The following CDC42EP5 variants were observed in gnomAD, a reference collection of about 807,000 sequenced individuals.
CDC42EP5 encodes the protein CDC42 effector protein 5.
For synonymous variants in CDC42EP5, 118 were observed against 123.3 expected (o/e 0.96, Z 0.28); for missense variants, 269 against 238.0 (o/e 1.13, Z -0.86).
At position 54,465,567 on chromosome 19, in the gene CDC42EP5, G is replaced by A. The variant is rs372621515; in HGVS notation, c.1-20C>T. 3.1e-5 allele frequency: 46 copies of A among 1,480,466 alleles called. No individual in the cohort carries two copies. In the African/African-American group the frequency reaches 6.6e-4, roughly 21 times the overall value. 91.7% of individuals were successfully genotyped at this position (1,480,466 alleles called of 1,614,324 possible). A position where few individuals can be genotyped will look rare whatever the true frequency, so the allele number is the denominator to read the frequency against. On this transcript the variant is annotated intron_variant, in intron 2 of 2. Transcript: ENST00000301200. Reference sequence around the variant, plus strand: ...GGGCATCTGCGAGGGGCACGGGAGGGTCAGCGCGGCCCCAGCCCGGGGCTC... The same window carrying A: ...GGGCATCTGCGAGGGGCACGGGAGGATCAGCGCGGCCCCAGCCCGGGGCTC...
intron 2 of CDC42EP5, among the ~76,000 whole-genome samples, chr19:54,467,249 G>A (rs2084767523): frequency 6.7e-6 from 1 of 149,158 alleles, no homozygotes; most frequent in Non-Finnish European, 1.5e-5. Context: ...AGGACTTTGA[G>A]ACCAGCCTGA....
At chr19:54,471,774 G>T in intron 1 of CDC42EP5, 89 bp from the exon 2 acceptor site, 1 of 158,776 alleles carries the variant, frequency 6.3e-6, no homozygotes, top group Non-Finnish European at 1.4e-5. Context: ...TTCGCCCTCA[G>T]GTCCTAGGCG....
intron 2 of CDC42EP5, among the ~76,000 whole-genome samples, chr19:54,470,987 A>T (rs780603632): frequency 1.7e-4 from 26 of 152,086 alleles, no homozygotes; most frequent in Non-Finnish European, 3.7e-4. Flanking sequence ...TAGCTCTGAG[A>T]CCCTGGGTAA....
chr19:54,471,770 C>A, intron 1 of CDC42EP5, 85 bp from the exon 2 acceptor site: 2 of 158,542 alleles, frequency 1.3e-5, no homozygotes, highest in Non-Finnish European at 2.8e-5. Context: ...CTCCTTCGCC[C>A]TCAGGTCCTA....
chr19:54,465,773 T>C (rs2123285495), intron 2 of CDC42EP5, among the ~76,000 whole-genome samples: 1 of 152,268 alleles, frequency 6.6e-6, no homozygotes, highest in Admixed American at 6.5e-5. Context: ...GTAGCTGGGA[T>C]TACAGGCACC....
chr19:54,465,337 G>C lies in CDC42EP5; in HGVS notation c.211C>G (p.Pro71Ala). Residue 71 changes from proline (P) to alanine (A), a missense_variant, in exon 3 of 3, where the codon CCG becomes GCG. Physicochemically the swap from Pro to Ala is conservative, Grantham distance 27. Coordinates refer to ENST00000301200, the MANE Select transcript of CDC42EP5 (RefSeq NM_145057.4). Reference sequence around the variant, plus strand: ...GACTGCGGGACGGCGGGCGGCGGCGGGGAGCGCGGGGCCCCCGCGGGGGGC... The same window carrying C: ...GACTGCGGGACGGCGGGCGGCGGCGCGGAGCGCGGGGCCCCCGCGGGGGGC... ...RAPPAGAPRSPPPPAVPQSAA... is the reference protein window; with the variant it reads ...RAPPAGAPRSAPPPAVPQSAA... 3 of 1,172,318 alleles carry C rather than the reference G, an allele frequency of 2.6e-6. No homozygotes were observed. Among genetic ancestry groups the C allele is most frequent in the Non-Finnish European group, 3.2e-6 (3 of 949,890 alleles). 72.6% of individuals were successfully genotyped at this position (1,172,318 alleles called of 1,614,324 possible).
chr19:54,471,795 T>C, intron 1 of CDC42EP5, 110 bp from the exon 2 acceptor site: 1 of 163,882 alleles, frequency 6.1e-6, no homozygotes, highest in South Asian at 1.7e-4. Flanking sequence ...TCCTAGATCT[T>C]CGCTTTCTTA....
chr19:54,468,987 C>T (rs1205324264), intron 2 of CDC42EP5, among the ~76,000 whole-genome samples: 1 of 148,000 alleles, frequency 6.8e-6, no homozygotes, highest in Non-Finnish European at 1.5e-5. Context: ...CTTTCTCCTT[C>T]CTTCCTTCTT....
Position 54,465,064 on chromosome 19 carries a change from G to C in CDC42EP5, c.*37C>G, listed in dbSNP as rs921088264. ...TTGGCCGTTTATGTATACAGAAGTGGGGTGCCGGGCGGGAAGGGCGCGGGG... is the reference window on the plus strand; with the variant it reads ...TTGGCCGTTTATGTATACAGAAGTGCGGTGCCGGGCGGGAAGGGCGCGGGG... On this transcript the variant is annotated 3_prime_UTR_variant, in exon 3 of 3. Coordinates refer to ENST00000301200, the MANE Select transcript of CDC42EP5 (RefSeq NM_145057.4). 8.5e-6 allele frequency: 11 copies of C among 1,297,788 alleles called. No homozygotes were observed. Among genetic ancestry groups the C allele is most frequent in the Non-Finnish European group, 1.1e-5 (11 of 1,020,592 alleles). The allele number at this position is 1,297,788 out of a possible 1,614,324, so 80.4% of individuals were successfully genotyped here.
chr19:54,468,697 C>T (rs1241622400), intron 2 of CDC42EP5, among the ~76,000 whole-genome samples: 1 of 149,270 alleles, frequency 6.7e-6, no homozygotes, highest in African/African-American at 2.5e-5. Flanking sequence ...GCTCATGCTA[C>T]CATGTAGTGT....
At chr19:54,468,576 ACT>A (rs2084785774) in intron 2 of CDC42EP5, among the ~76,000 whole-genome samples, 1 of 152,122 alleles carries the variant, frequency 6.6e-6, no homozygotes, top group Non-Finnish European at 1.5e-5. Context: ...ACAGGGTCTC[ACT>A]CTGTCACCCA....
intron 2 of CDC42EP5, among the ~76,000 whole-genome samples, 160 bp from the exon 3 acceptor site, chr19:54,465,707 C>G (rs1262509023): frequency 1.3e-5 from 2 of 152,210 alleles, no homozygotes; most frequent in African/African-American, 4.8e-5. Context: ...GCCATCCCGG[C>G]TCACCGCAAC....
At chr19:54,466,879 T>C (rs527729341) in intron 2 of CDC42EP5, among the ~76,000 whole-genome samples, 6 of 151,060 alleles carry the variant, frequency 4.0e-5, no homozygotes, top group South Asian at 2.1e-4. Context: ...TGGGTATCCA[T>C]AGGGGTCCCA....
At chr19:54,468,961 TTCC>T (rs757641979) in intron 2 of CDC42EP5, among the ~76,000 whole-genome samples, 114 of 147,346 alleles carry the variant, frequency 7.7e-4, no homozygotes, top group Admixed American at 1.7e-3. Flanking sequence ...CCTTCCTTCC[TTCC>T]TTTCTTTTCT....
Position 54,465,147 on chromosome 19 carries a change from C to A in CDC42EP5, c.401G>T (p.Cys134Phe). 1 of 1,398,496 alleles carries A rather than the reference C, an allele frequency of 7.2e-7. No homozygotes were observed. The highest frequency in any genetic ancestry group is 9.2e-7 in the Non-Finnish European group (1 of 1,084,050). 86.6% of individuals were successfully genotyped at this position (1,398,496 alleles called of 1,614,324 possible). ...RPGTQPPQARCRPNADLELND... is the reference protein window; with the variant it reads ...RPGTQPPQARFRPNADLELND... ...CAGCTCGAGGTCCGCGTTGGGGCGG[C>A]AGCGGGCCTGGGGGGGCTGCGTCCC... The change falls in exon 3 of 3, where the codon TGC becomes TTC. Residue 134 changes from cysteine to phenylalanine, a missense_variant. Coordinates refer to ENST00000301200, the MANE Select transcript of CDC42EP5 (RefSeq NM_145057.4).
intron 2 of CDC42EP5, among the ~76,000 whole-genome samples, chr19:54,468,546 A>G (rs1294881489): frequency 6.6e-6 from 1 of 152,022 alleles, no homozygotes; most frequent in African/African-American, 2.4e-5. Flanking sequence ...TTTAAGAAAC[A>G]AGATTTGTCT....
At position 54,468,859 on chromosome 19, in the gene CDC42EP5, A is replaced by C. The variant is rs184375711; in HGVS notation, c.-1+2686T>G. Among the ~76,000 whole-genome samples the C allele has an allele frequency of 3.1e-3, 382 of 123,532 alleles. 1 individual carries two copies. Among genetic ancestry groups the C allele is most frequent in the African/African-American group, 0.011 (346 of 32,824 alleles). The allele number at this position is 123,532 out of a possible 152,430, so 81.0% of individuals were successfully genotyped here. Reference sequence around the variant, plus strand: ...GTGCCAGTAAGCCCGGCCAATACTTACTTGTCTTACAACGTGGTAGATACT... The same window carrying C: ...GTGCCAGTAAGCCCGGCCAATACTTCCTTGTCTTACAACGTGGTAGATACT... On this transcript the variant is annotated intron_variant, in intron 2 of 2. Transcript: ENST00000301200.
Position 54,465,271 on chromosome 19 carries a change from G to T in CDC42EP5, c.277C>A (p.Leu93Met). ...TCCAGCATGGAGGGCCCCAGATCCA[G>T]GTGGAAGGACAGCAGCGGGTCGGCA... ...SPADPLLSFHLDLGPSMLDAV... is the reference protein window; with the variant it reads ...SPADPLLSFHMDLGPSMLDAV... Residue 93 changes from leucine (L) to methionine (M), a missense_variant, in exon 3 of 3, where the codon CTG becomes ATG. Leu to Met is a conservative substitution (Grantham distance 15, BLOSUM62 2). Coordinates refer to ENST00000301200, the MANE Select transcript of CDC42EP5 (RefSeq NM_145057.4). 1 of 1,353,612 alleles carries T rather than the reference G, an allele frequency of 7.4e-7. No individual in the cohort carries two copies. Among genetic ancestry groups the T allele is most frequent in the Admixed American group, 3.3e-5 (1 of 29,918 alleles). 83.9% of individuals were successfully genotyped at this position (1,353,612 alleles called of 1,614,324 possible).
At chr19:54,471,338 A>T (rs2084833523) in intron 2 of CDC42EP5, among the ~76,000 whole-genome samples, 1 of 151,842 alleles carries the variant, frequency 6.6e-6, no homozygotes, top group Non-Finnish European at 1.5e-5. Context: ...GACGGAAATA[A>T]CAACCCACTC....
Sources: gnomAD v4.1 joint callset for allele counts (sites outside exome capture counted in the v4.1 genomes callset) on GRCh38, gnomAD v4.1.1 for gene constraint, MANE v1.5 for transcripts, NCBI Gene and HGNC (gene_info 2026-07-23, HGNC 2026-07-21) for gene names.